Variants in CTBS observed in about 807,000 individuals in gnomAD.
CTBS encodes di-N-acetylchitobiase.
Under a neutral mutation model 44.3 loss-of-function variants are expected in CTBS, and 35 were observed. That is an observed-to-expected ratio of 0.79 (90% CI 0.60 to 1.05). The LOEUF is 1.05. Ranked by LOEUF, CTBS falls within the 50% of genes least tolerant of loss-of-function variation. The probability of loss-of-function intolerance (pLI) is 0.00; values close to 1 mark genes in which losing one functional copy is unlikely to be tolerated. For missense variants in CTBS, 458 were observed against 475.3 expected, an observed-to-expected ratio of 0.96 and a Z score of 0.34; for synonymous variants, 143 against 168.0, an observed-to-expected ratio of 0.85 and a Z score of 1.15.
chr1:84,569,755 G>A (rs1647240848), intron 3 of CTBS, among the ~76,000 whole-genome samples, 176 bp downstream of exon 3: 1 of 152,102 alleles, frequency 6.6e-6, no homozygotes, highest in African/African-American at 2.4e-5. Context: ...TAGATTTAGG[G>A]CTTTAAAATT....
intron 4 of CTBS, 167 bp from the exon 5 acceptor site, chr1:84,563,999 A>G (rs779643805): frequency 7.2e-6 from 3 of 417,628 alleles, no homozygotes; most frequent in Non-Finnish European, 9.6e-6. Flanking sequence ...CATAAATTCT[A>G]TATCTTGCTT....
rs1366257239 is a variant in CTBS at position 84,554,872 on chromosome 1, CATTT to C, written c.*123_*126del. 26 of 729,298 alleles carry C rather than the reference CATTT, an allele frequency of 3.6e-5. No individual in the cohort carries two copies. Among genetic ancestry groups the C allele is most frequent in the Admixed American group, 9.4e-5 (3 of 32,008 alleles). The allele number at this position is 729,298 out of a possible 1,614,324, so 45.2% of individuals were successfully genotyped here. On this transcript the variant is annotated 3_prime_UTR_variant, in exon 7 of 7. Coordinates refer to ENST00000370630, the MANE Select transcript of CTBS (RefSeq NM_004388.3). ...ATTTTTCAAATTCAAACAATCAAAA[CATTT>C]ATTTATTCTTTTTTTTTAGTATACG...
chr1:84,550,325 T>C lies in CTBS; in HGVS notation c.*4674A>G. On this transcript the variant is annotated 3_prime_UTR_variant, in exon 7 of 7. Transcript: ENST00000370630. ...TACTTTACGGAATAGGTTATTTTCA[T>C]GATTTACTCTTTTGATCTTTATCAT... is the stretch of plus-strand genomic sequence containing the variant. 4.0e-6 allele frequency: 2 copies of C among 501,498 alleles called. No homozygotes were observed. The highest frequency in any genetic ancestry group is 3.3e-6 in the Non-Finnish European group (1 of 304,182). The allele number at this position is 501,498 out of a possible 1,614,324, so 31.1% of individuals were successfully genotyped here. A position where few individuals can be genotyped will look rare whatever the true frequency, so the allele number is the denominator to read the frequency against.
At chr1:84,557,533 C>CAAAAAAAAAAAAA (rs56101174) in intron 6 of CTBS, among the ~76,000 whole-genome samples, 4 of 55,440 alleles carry the variant, frequency 7.2e-5, no homozygotes, top group African/African-American at 1.2e-4. Flanking sequence ...AACTCCATCT[C>CAAAAAAAAAAAAA]AAAAAAAAAA....
At chr1:84,568,783 T>C (rs1368722694) in intron 3 of CTBS, among the ~76,000 whole-genome samples, 2 of 152,130 alleles carry the variant, frequency 1.3e-5, no homozygotes. Context: ...TGTTTAAAAG[T>C]GTGTGGCACC....
At chr1:84,557,025 A>G (rs1192700254) in intron 6 of CTBS, among the ~76,000 whole-genome samples, 1 of 152,140 alleles carries the variant, frequency 6.6e-6, no homozygotes, top group Non-Finnish European at 1.5e-5. Flanking sequence ...AGCCTTTTTG[A>G]TATTATTAAG....
At position 84,551,202 on chromosome 1, in the gene CTBS, C is replaced by T. The variant is rs1684260818; in HGVS notation, c.*3797G>A. 1.0e-6 allele frequency: 1 copy of T among 985,078 alleles called. No individual in the cohort carries two copies. The highest frequency in any genetic ancestry group is 1.2e-6 in the Non-Finnish European group (1 of 829,844). 61.0% of individuals were successfully genotyped at this position (985,078 alleles called of 1,614,324 possible). A position where few individuals can be genotyped will look rare whatever the true frequency, so the allele number is the denominator to read the frequency against. On this transcript the variant is annotated 3_prime_UTR_variant, in exon 7 of 7. Transcript: ENST00000370630. ...TTATACATTTTCATACAAGTACCCA[C>T]AGCAAGGCAGGAAAATGAGAACGAT...
In CTBS at chr1:84,550,880, T is replaced by C. The variant is rs1684250411; in HGVS notation, c.*4119A>G. ...TAAACCACTGAGCTCTCCTCTGAAC[T>C]GACATTTAATTTTTTATGGGTAATC... On this transcript the variant is annotated 3_prime_UTR_variant, in exon 7 of 7. Transcript: ENST00000370630. 2.4e-5 allele frequency: 24 copies of C among 984,252 alleles called. No homozygotes were observed. The highest frequency in any genetic ancestry group is 2.7e-5 in the Non-Finnish European group (22 of 828,256). The allele number at this position is 984,252 out of a possible 1,614,324, so 61.0% of individuals were successfully genotyped here. A position where few individuals can be genotyped will look rare whatever the true frequency, so the allele number is the denominator to read the frequency against.
chr1:84,560,691 T>C (rs1684578500), intron 6 of CTBS, among the ~76,000 whole-genome samples: 1 of 152,166 alleles, frequency 6.6e-6, no homozygotes, highest in Non-Finnish European at 1.5e-5. Context: ...GATTCTCTTG[T>C]TAGGGACTAA....
intron 1 of CTBS, among the ~76,000 whole-genome samples, chr1:84,572,536 G>A (rs1188105878): frequency 1.3e-5 from 2 of 151,412 alleles, no homozygotes; most frequent in Non-Finnish European, 2.9e-5. Context: ...CGCCAGTAGA[G>A]AAAAAGACCA....
Position 84,550,674 on chromosome 1 carries a change from G to C in CTBS, c.*4325C>G, listed in dbSNP as rs186249116. ...TGTTACCTTAACAGTAAAGAGCATA[G>C]GTGAAAAAAAAAATGCAGGAAGAAA... On this transcript the variant is annotated 3_prime_UTR_variant, in exon 7 of 7. Coordinates refer to ENST00000370630, the MANE Select transcript of CTBS (RefSeq NM_004388.3). The C allele has an allele frequency of 2.5e-5, 30 of 1,210,370 alleles. No homozygotes were observed. The Admixed American group carries it at 1.2e-3, about 49-fold the overall frequency. The allele number at this position is 1,210,370 out of a possible 1,614,324, so 75.0% of individuals were successfully genotyped here.
chr1:84,562,102 T>A (rs2994954), intron 6 of CTBS, among the ~76,000 whole-genome samples: 47,343 of 152,106 alleles, frequency 0.31, 8,157 homozygotes, highest in African/African-American at 0.46. Context: ...AGATTATATG[T>A]CAAACAATTA....
At chr1:84,563,170 TAGAA>T in intron 6 of CTBS, 83 bp downstream of exon 6, 1 of 946,308 alleles carries the variant, frequency 1.1e-6, no homozygotes, top group Non-Finnish European at 1.5e-6. Context: ...AGAAAACTGA[TAGAA>T]ATTCTTGATA....
At chr1:84,572,846 T>G (rs1466824593) in intron 1 of CTBS, among the ~76,000 whole-genome samples, 1 of 151,990 alleles carries the variant, frequency 6.6e-6, no homozygotes, top group Admixed American at 6.6e-5. Flanking sequence ...GCCCAGCTAA[T>G]TTTTGTATTT....
chr1:84,555,592 G>A (rs1255383979), intron 6 of CTBS, among the ~76,000 whole-genome samples: 1 of 152,208 alleles, frequency 6.6e-6, no homozygotes, highest in African/African-American at 2.4e-5. Context: ...CAATGGCAAA[G>A]ATTACAGAAA....
In CTBS at chr1:84,560,606, A is replaced by T. The variant is rs542714263; in HGVS notation, c.957+2651T>A. ...TTCAAATAAATCTTATATTGGAAGA[A>T]GATGATGCCATTTAAGACTTTGCTA... On this transcript the variant is annotated intron_variant, in intron 6 of 6. Coordinates refer to ENST00000370630, the MANE Select transcript of CTBS (RefSeq NM_004388.3). Among the ~76,000 whole-genome samples the T allele has an allele frequency of 1.0e-3, 153 of 152,376 alleles. 1 individual carries two copies. Among genetic ancestry groups the T allele is most frequent in the Non-Finnish European group, 2.0e-3 (134 of 68,034 alleles).
intron 3 of CTBS, 88 bp downstream of exon 3, chr1:84,569,843 A>T (rs1231243907): frequency 2.0e-5 from 24 of 1,196,628 alleles, no homozygotes; most frequent in Non-Finnish European, 2.9e-5. Context: ...TTGCATTACT[A>T]TAAAACAAAG....
chr1:84,565,982 T>C lies in CTBS; in HGVS notation c.556A>G (p.Asn186Asp). Residue 186 changes from asparagine (N) to aspartate (D), a missense_variant, in exon 4 of 7, where the codon AAC becomes GAC. By Grantham distance (23) the Asn-to-Asp change is conservative. Transcript: ENST00000370630. ...VTFDVAWSPK[N>D]IDRRCYNYTG... ...TAATTATAGCATCTTCTGTCTATGTTCTTTGGAGACCAAGCTACATCAAAG... is the reference window on the plus strand; with the variant it reads ...TAATTATAGCATCTTCTGTCTATGTCCTTTGGAGACCAAGCTACATCAAAG... 6.4e-7 allele frequency: 1 copy of C among 1,573,688 alleles called. No individual in the cohort carries two copies. The highest frequency in any genetic ancestry group is 8.6e-7 in the Non-Finnish European group (1 of 1,161,534).
chr1:84,573,937 G>C, intron 1 of CTBS: 1 of 1,297,956 alleles, frequency 7.7e-7, no homozygotes. Flanking sequence ...TTTACACCCA[G>C]AGTGCTTCCG....
Sources: gnomAD v4.1 joint callset for allele counts (sites outside exome capture counted in the v4.1 genomes callset) on GRCh38, gnomAD v4.1.1 for gene constraint, MANE v1.5 for transcripts, NCBI Gene and HGNC (gene_info 2026-07-23, HGNC 2026-07-21) for gene names.